The following CSMD1 variants were observed in gnomAD, a reference collection of about 807,000 sequenced individuals.
The protein encoded by CSMD1 is CUB and sushi domain-containing protein 1.
A neutral mutation model predicts 417.5 loss-of-function variants in CSMD1; 213 were observed. The ratio of observed to expected loss-of-function variants is 0.51; its 90% confidence interval spans 0.46 to 0.57. CSMD1 has a LOEUF of 0.57. CSMD1 is among the 20% of genes least tolerant of loss of function. CSMD1 has a pLI of 0.00. For missense variants in CSMD1, 6,923 were observed against 4,529.7 expected (o/e 1.53, Z -15.17); for synonymous variants, 2,862 against 1,736.8 (o/e 1.65, Z -16.11).
chr8:4,060,180 C>G (rs1366285428), intron 3 of CSMD1, among the ~76,000 whole-genome samples: 2 of 152,090 alleles, frequency 1.3e-5, no homozygotes, highest in Non-Finnish European at 1.5e-5. Flanking sequence ...TAAACAGAAC[C>G]AAAGACAAAA....
chr8:4,650,068 C>G (rs760193675), intron 1 of CSMD1, among the ~76,000 whole-genome samples: 1 of 152,146 alleles, frequency 6.6e-6, no homozygotes, highest in South Asian at 2.1e-4. Context: ...GTAGAAGACA[C>G]CAAATAGTCA....
At chr8:3,686,728 C>T (rs142056775) in intron 7 of CSMD1, among the ~76,000 whole-genome samples, 111 of 152,332 alleles carry the variant, frequency 7.3e-4, no homozygotes, top group Non-Finnish European at 1.3e-3. Flanking sequence ...GGCCTTGCCA[C>T]GTTTCACAAG....
At chr8:4,795,984 T>C (rs1797961207) in intron 1 of CSMD1, among the ~76,000 whole-genome samples, 1 of 152,186 alleles carries the variant, frequency 6.6e-6, no homozygotes, top group Non-Finnish European at 1.5e-5. Flanking sequence ...GCCTCTCTGA[T>C]ATGTCATAAA....
chr8:4,430,731 C>T (rs1797826980), intron 2 of CSMD1, among the ~76,000 whole-genome samples: 2 of 152,068 alleles, frequency 1.3e-5, no homozygotes, highest in South Asian at 2.1e-4. Context: ...TGCCCCCAAG[C>T]ATGAAACAGC....
At chr8:3,069,001 A>T (rs189892123) in intron 49 of CSMD1, among the ~76,000 whole-genome samples, 1 of 152,276 alleles carries the variant, frequency 6.6e-6, no homozygotes, top group Admixed American at 6.5e-5. Context: ...ATTAAGCCTC[A>T]TCTGAGACAA....
intron 3 of CSMD1, among the ~76,000 whole-genome samples, chr8:4,149,784 C>T (rs778720395): frequency 6.6e-6 from 1 of 152,206 alleles, no homozygotes; most frequent in Non-Finnish European, 1.5e-5. Context: ...GTAGTTGCTT[C>T]AGGGAAGGTC....
At chr8:3,861,926 T>C (rs1240982734) in intron 5 of CSMD1, among the ~76,000 whole-genome samples, 1 of 152,148 alleles carries the variant, frequency 6.6e-6, no homozygotes, top group Non-Finnish European at 1.5e-5. Flanking sequence ...ATTTCCTTGC[T>C]CCTGGAAAGT....
chr8:4,762,061 T>A (rs1812145757), intron 1 of CSMD1, among the ~76,000 whole-genome samples: 1 of 152,016 alleles, frequency 6.6e-6, no homozygotes. Flanking sequence ...ACCAAATAAG[T>A]CTCAAATGAT....
At chr8:3,264,990 C>T (rs1334451687) in intron 26 of CSMD1, among the ~76,000 whole-genome samples, 6 of 152,092 alleles carry the variant, frequency 3.9e-5, no homozygotes, top group African/African-American at 1.2e-4. Context: ...GTCTGCACCC[C>T]AGCTGTATTT....
intron 3 of CSMD1, among the ~76,000 whole-genome samples, chr8:4,206,719 C>T (rs540652196): frequency 6.6e-6 from 1 of 152,218 alleles, no homozygotes; most frequent in Admixed American, 6.5e-5. Flanking sequence ...ATGGCTGGGT[C>T]AAATAGTATT....
intron 2 of CSMD1, among the ~76,000 whole-genome samples, chr8:4,469,356 C>T (rs1800384584): frequency 6.6e-6 from 1 of 152,162 alleles, no homozygotes; most frequent in Non-Finnish European, 1.5e-5. Context: ...TTTACCTTGT[C>T]CACGTGAACC....
chr8:4,521,645 A>T (rs992112913), intron 2 of CSMD1, among the ~76,000 whole-genome samples: 1 of 152,200 alleles, frequency 6.6e-6, no homozygotes, highest in African/African-American at 2.4e-5. Flanking sequence ...TGGTAGAAAA[A>T]GGTGGCCCTC....
intron 52 of CSMD1, among the ~76,000 whole-genome samples, chr8:3,005,052 T>C (rs564067447): frequency 2.0e-5 from 3 of 152,204 alleles, no homozygotes; most frequent in East Asian, 3.9e-4. Flanking sequence ...GGCAGAGGAA[T>C]TGCTTGAACC....
chr8:3,240,629 G>C (rs910079956), intron 26 of CSMD1, among the ~76,000 whole-genome samples: 3 of 152,058 alleles, frequency 2.0e-5, no homozygotes, highest in Non-Finnish European at 4.4e-5. Flanking sequence ...TGGGTGTCAG[G>C]GTCAGTCCAA....
At chr8:3,188,827 G>T in intron 35 of CSMD1, 60 bp downstream of exon 35, 3 of 1,365,816 alleles carry the variant, frequency 2.2e-6, no homozygotes, top group Non-Finnish European at 1.9e-6. Flanking sequence ...AAGAATGAAA[G>T]AAAGAAGCCC....
chr8:4,739,404 A>G (rs923205458), intron 1 of CSMD1, among the ~76,000 whole-genome samples: 1 of 152,210 alleles, frequency 6.6e-6, no homozygotes, highest in South Asian at 2.1e-4. Context: ...TAGTGGCCTT[A>G]TATCTGATAC....
intron 30 of CSMD1, among the ~76,000 whole-genome samples, chr8:3,210,486 A>G (rs377361190): frequency 3.0e-5 from 1 of 33,274 alleles, no homozygotes; most frequent in Non-Finnish European, 6.2e-5. Context: ...ATATATAGGA[A>G]TATGTATATA....
At chr8:4,887,908 A>C (rs903486475) in intron 1 of CSMD1, among the ~76,000 whole-genome samples, 5 of 152,016 alleles carry the variant, frequency 3.3e-5, no homozygotes, top group African/African-American at 1.2e-4. Flanking sequence ...TTACTTGAAC[A>C]TACACGTATT....
intron 5 of CSMD1, among the ~76,000 whole-genome samples, chr8:3,820,519 C>A (rs576761277): frequency 6.6e-6 from 1 of 152,166 alleles, no homozygotes; most frequent in South Asian, 2.1e-4. Context: ...AAGCTGACAT[C>A]TCCTATGGTA....
Sources: gnomAD v4.1 joint callset for allele counts (sites outside exome capture counted in the v4.1 genomes callset) on GRCh38, gnomAD v4.1.1 for gene constraint, MANE v1.5 for transcripts, NCBI Gene and HGNC (gene_info 2026-07-23, HGNC 2026-07-21) for gene names.